The following ROBO1 variants were observed in gnomAD, a reference collection of about 807,000 sequenced individuals.
ROBO1 encodes the protein roundabout homolog 1.
Under a neutral mutation model 195.9 loss-of-function variants are expected in ROBO1, and 149 were observed. That is an observed-to-expected ratio of 0.76 (90% CI 0.67 to 0.87). ROBO1 has a LOEUF of 0.87. Ranked by LOEUF, ROBO1 falls within the 40% of genes least tolerant of loss-of-function variation. The pLI, the probability that ROBO1 is intolerant of heterozygous loss-of-function variation, is 0.00. For synonymous variants in ROBO1, 816 were observed against 733.2 expected (o/e 1.11, Z -1.82); for missense variants, 1,933 against 2,068.3 (o/e 0.93, Z 1.27).
intron 2 of ROBO1, among the ~76,000 whole-genome samples, chr3:79,173,170 G>C (rs1031956117): frequency 9.2e-5 from 14 of 151,980 alleles, no homozygotes; most frequent in Admixed American, 8.5e-4. Context: ...AGGTGACAGC[G>C]TGCTGGCAGC....
chr3:79,468,479 A>T (rs1053707350), intron 2 of ROBO1, among the ~76,000 whole-genome samples: 1 of 152,206 alleles, frequency 6.6e-6, no homozygotes, highest in Non-Finnish European at 1.5e-5. Context: ...TATATTTCAT[A>T]GTAATTAAAT....
chr3:79,598,955 G>A (rs1172612683), intron 1 of ROBO1, among the ~76,000 whole-genome samples: 1 of 151,974 alleles, frequency 6.6e-6, no homozygotes, highest in Non-Finnish European at 1.5e-5. Flanking sequence ...ACCAGCATTC[G>A]AGAAAGCCAG....
At chr3:79,221,294 C>T (rs1449290283) in intron 2 of ROBO1, among the ~76,000 whole-genome samples, 1 of 151,888 alleles carries the variant, frequency 6.6e-6, no homozygotes, top group Non-Finnish European at 1.5e-5. Context: ...TGAAGGTACC[C>T]CTGAGATATT....
intron 5 of ROBO1, among the ~76,000 whole-genome samples, chr3:78,732,418 A>C (rs760452669): frequency 2.6e-5 from 4 of 152,104 alleles, no homozygotes; most frequent in Admixed American, 6.6e-5. Flanking sequence ...AAAAAAAACA[A>C]TGTGTATGTT....
At chr3:79,107,369 A>G (rs2079804188) in intron 3 of ROBO1, among the ~76,000 whole-genome samples, 1 of 151,854 alleles carries the variant, frequency 6.6e-6, no homozygotes, top group South Asian at 2.1e-4. Flanking sequence ...TTGTGTTAAA[A>G]TTAATGCTCA....
chr3:79,137,223 GTGAC>G lies in ROBO1; in HGVS notation c.89-11688_89-11685del, dbSNP rs144248624. 2.3e-3 allele frequency among the ~76,000 whole-genome samples: 353 copies of G among 152,144 alleles called. 3 individuals are homozygous for G. Among genetic ancestry groups the G allele is most frequent in the African/African-American group, 8.2e-3 (340 of 41,542 alleles). ...AATCTGTTTTCAAACAAAATGTTTAGTGACTGGATGGTTCTTTCAAAATTTGAAA... is the reference window on the plus strand; with the variant it reads ...AATCTGTTTTCAAACAAAATGTTTAGTGGATGGTTCTTTCAAAATTTGAAA... On this transcript the variant is annotated intron_variant, in intron 2 of 30. Coordinates refer to ENST00000464233, the MANE Select transcript of ROBO1 (RefSeq NM_002941.4).
intron 25 of ROBO1, among the ~76,000 whole-genome samples, chr3:78,628,232 G>A (rs1704941957): frequency 6.6e-6 from 1 of 152,198 alleles, no homozygotes; most frequent in Non-Finnish European, 1.5e-5. Context: ...GGGATTACAG[G>A]CGTGAGCCAC....
Position 78,633,961 on chromosome 3 carries a change from C to T in ROBO1, c.3455G>A (p.Ser1152Asn). The change falls in exon 24 of 31, where the codon AGC (serine) becomes AAC (asparagine). Residue 1152 changes from serine to asparagine, a missense_variant. Coordinates refer to ENST00000464233, the MANE Select transcript of ROBO1 (RefSeq NM_002941.4). ...AGATGTACTACTGCCCCGGTCTGAG[C>T]TGTTGTAGGATCCTCCTGTGTTCTG... ...YDQNTGGSYN[S>N]SDRGSSTSGS... is the part of the protein sequence containing the mutation. 6.2e-7 allele frequency: 1 copy of T among 1,611,896 alleles called. No individual in the cohort carries two copies. Among genetic ancestry groups the T allele is most frequent in the Non-Finnish European group, 8.5e-7 (1 of 1,178,518 alleles).
At chr3:78,704,756 T>G (rs1360445459) in intron 8 of ROBO1, among the ~76,000 whole-genome samples, 1 of 151,702 alleles carries the variant, frequency 6.6e-6, no homozygotes, top group East Asian at 1.9e-4. Flanking sequence ...GGGAGAGGAT[T>G]GCTTCAGCCC....
intron 3 of ROBO1, among the ~76,000 whole-genome samples, chr3:78,948,065 T>G (rs188668912): frequency 1.3e-5 from 2 of 152,120 alleles, no homozygotes; most frequent in Admixed American, 1.3e-4. Flanking sequence ...CAGGACCAGA[T>G]GGATTCACAG....
intron 2 of ROBO1, among the ~76,000 whole-genome samples, chr3:79,463,663 G>T (rs77146629): frequency 6.6e-6 from 1 of 152,100 alleles, no homozygotes; most frequent in South Asian, 2.1e-4. Context: ...ATCAAACAGT[G>T]AATAATCCTT....
intron 4 of ROBO1, among the ~76,000 whole-genome samples, chr3:78,871,742 CAA>C (rs71127366): frequency 0.015 from 1,685 of 111,376 alleles, 13 homozygotes; most frequent in African/African-American, 0.042. Flanking sequence ...GCTTTCACAG[CAA>C]AAAAAAAAAA....
chr3:78,781,115 CAAT>C (rs908488427), intron 4 of ROBO1, among the ~76,000 whole-genome samples: 5 of 152,126 alleles, frequency 3.3e-5, no homozygotes, highest in African/African-American at 9.7e-5. Context: ...TCTAAAACAA[CAAT>C]GACAACAAAA....
chr3:79,469,935 C>T (rs1938176003), intron 2 of ROBO1, among the ~76,000 whole-genome samples: 1 of 151,950 alleles, frequency 6.6e-6, no homozygotes, highest in South Asian at 2.1e-4. Flanking sequence ...TATAAAGTAT[C>T]CAGAATGGAG....
intron 3 of ROBO1, among the ~76,000 whole-genome samples, chr3:79,122,623 A>G (rs1424622372): frequency 6.6e-6 from 1 of 152,032 alleles, no homozygotes; most frequent in African/African-American, 2.4e-5. Context: ...TATGAGATCC[A>G]TGCACTCTCG....
In ROBO1 at chr3:78,600,140, T is replaced by G; in HGVS notation, c.4914A>C (p.Arg1638Ser). The G allele has an allele frequency of 6.2e-7, 1 of 1,613,168 alleles. No homozygotes were observed. Among genetic ancestry groups the G allele is most frequent in the Non-Finnish European group, 8.5e-7 (1 of 1,179,400 alleles). ...CTAATTCTTCATTATTATCTTCTCC[T>G]CTTTCATATCCTCCAAGTACCTGCA... ...AEMQVLGGYE[R>S]GEDNNEELEE... The change falls in exon 30 of 31, where the codon AGA becomes AGC. Residue 1638 changes from arginine (R) to serine (S), a missense_variant. Around this residue, in one of 3 missense-constraint regions of ROBO1, gnomAD observed 1,737 missense variants for 1,882.5 expected, o/e 0.92. Transcript: ENST00000464233.
At chr3:79,344,557 C>T (rs1477726901) in intron 2 of ROBO1, among the ~76,000 whole-genome samples, 6 of 152,096 alleles carry the variant, frequency 3.9e-5, no homozygotes, top group Non-Finnish European at 8.8e-5. Flanking sequence ...ATTCTCAGAA[C>T]ACTTGTGGGA....
intron 2 of ROBO1, among the ~76,000 whole-genome samples, chr3:79,390,220 G>GTC: frequency 6.6e-6 from 1 of 152,150 alleles, no homozygotes; most frequent in East Asian, 1.9e-4. Flanking sequence ...ATTTTATACG[G>GTC]TCTGTGTAGT....
chr3:78,987,260 T>C (rs1454666402), intron 3 of ROBO1, among the ~76,000 whole-genome samples: 1 of 151,922 alleles, frequency 6.6e-6, no homozygotes, highest in Admixed American at 6.6e-5. Context: ...TAAGTATATG[T>C]TTCTTTGGAG....
Sources: gnomAD v4.1 joint callset for allele counts (sites outside exome capture counted in the v4.1 genomes callset) on GRCh38, gnomAD v4.1.1 for gene constraint, gnomAD v4.1.1 regional missense constraint, MANE v1.5 for transcripts, NCBI Gene and HGNC (gene_info 2026-07-23, HGNC 2026-07-21) for gene names.